Variants in INO80D observed in about 807,000 individuals in gnomAD.
INO80D encodes the protein INO80 complex subunit D.
In INO80D, 21 loss-of-function variants were observed where a neutral mutation model predicts 87.6. That is an observed-to-expected ratio of 0.24 (90% confidence interval 0.17 to 0.35). INO80D has a LOEUF of 0.35. Ranked by LOEUF, INO80D falls within the 10% of genes least tolerant of loss-of-function variation. The pLI, the probability that INO80D is intolerant of heterozygous loss-of-function variation, is 1.00. For synonymous variants in INO80D, 440 were observed against 491.0 expected (o/e 0.90, Z 1.37); for missense variants, 982 against 1,280.7 (o/e 0.77, Z 3.56).
intron 8 of INO80D, among the ~76,000 whole-genome samples, chr2:206,012,609 T>C (rs898408153): frequency 2.6e-5 from 4 of 152,120 alleles, no homozygotes; most frequent in Admixed American, 2.0e-4. Context: ...CTCAGGCCTG[T>C]AAGATCCCAG....
Position 205,998,450 on chromosome 2 carries a change from C to T in INO80D, c.*5918G>A, listed in dbSNP as rs78727283. On this transcript the variant is annotated 3_prime_UTR_variant, in exon 11 of 11. Transcript: ENST00000403263. ...AAGGTGCTTCACTAGTTTGTTTTGTCAAAAAAAAAAAAAAAAAAAAAAGCT... is the reference window on the plus strand; with the variant it reads ...AAGGTGCTTCACTAGTTTGTTTTGTTAAAAAAAAAAAAAAAAAAAAAAGCT... 4.9e-5 allele frequency: 4 copies of T among 82,454 alleles called. No homozygotes were observed. Among genetic ancestry groups the T allele is most frequent in the South Asian group, 9.6e-4 (2 of 2,076 alleles). 5.1% of individuals were successfully genotyped at this position (82,454 alleles called of 1,614,324 possible).
At chr2:206,061,375 T>C (rs1158684700) in intron 3 of INO80D, among the ~76,000 whole-genome samples, 2 of 152,224 alleles carry the variant, frequency 1.3e-5, no homozygotes, top group East Asian at 3.8e-4. Context: ...CTGACAACTG[T>C]AACCATGATA....
intron 5 of INO80D, among the ~76,000 whole-genome samples, chr2:206,045,256 T>C (rs546546642): frequency 1.3e-5 from 2 of 152,242 alleles, no homozygotes; most frequent in African/African-American, 4.8e-5. Context: ...TTTCTCATTA[T>C]AAGCTGGCAT....
chr2:206,008,165 G>A (rs1049404072), intron 9 of INO80D, among the ~76,000 whole-genome samples: 2 of 151,926 alleles, frequency 1.3e-5, no homozygotes, highest in Non-Finnish European at 2.9e-5. Flanking sequence ...TTTGTTTTTA[G>A]TAGAGACGGG....
chr2:205,998,605 A>G lies in INO80D; in HGVS notation c.*5763T>C, dbSNP rs971996991. The G allele has an allele frequency of 1.3e-4, 20 of 152,166 alleles. No homozygotes were observed. Among genetic ancestry groups the G allele is most frequent in the African/African-American group, 4.6e-4 (19 of 41,436 alleles). The allele number at this position is 152,166 out of a possible 1,614,324, so 9.4% of individuals were successfully genotyped here. A position where few individuals can be genotyped will look rare whatever the true frequency, so the allele number is the denominator to read the frequency against. Reference sequence around the variant, plus strand: ...TAATATACCTTTTCTCTTAAAATCTACAATAAGTATTCTGAAAGCTCATTG... The same window carrying G: ...TAATATACCTTTTCTCTTAAAATCTGCAATAAGTATTCTGAAAGCTCATTG... On this transcript the variant is annotated 3_prime_UTR_variant, in exon 11 of 11. Coordinates refer to ENST00000403263, the MANE Select transcript of INO80D (RefSeq NM_017759.5).
chr2:206,078,656 GA>G (rs1470941351), intron 1 of INO80D, among the ~76,000 whole-genome samples: 5 of 150,334 alleles, frequency 3.3e-5, no homozygotes, highest in African/African-American at 1.2e-4. Context: ...AACAAAAAAA[GA>G]AAAAGACAGC....
chr2:206,075,456 A>G (rs1005289821), intron 1 of INO80D, among the ~76,000 whole-genome samples: 1 of 151,016 alleles, frequency 6.6e-6, no homozygotes, highest in African/African-American at 2.4e-5. Flanking sequence ...TTTTTTTTAA[A>G]GACAGAATCT....
At chr2:206,072,132 C>T (rs1689988425) in intron 1 of INO80D, among the ~76,000 whole-genome samples, 1 of 152,112 alleles carries the variant, frequency 6.6e-6, no homozygotes, top group Non-Finnish European at 1.5e-5. Context: ...CGGGGTGTGT[C>T]ACTTTCTTGA....
intron 1 of INO80D, among the ~76,000 whole-genome samples, chr2:206,074,325 A>G (rs2105904938): frequency 6.6e-6 from 1 of 152,346 alleles, no homozygotes; most frequent in African/African-American, 2.4e-5. Flanking sequence ...ATTCAAGAGT[A>G]GGAAATAGCC....
intron 9 of INO80D, chr2:206,007,758 G>A (rs1260199357): frequency 4.9e-6 from 1 of 205,562 alleles, no homozygotes. Context: ...GGAGGCGGAG[G>A]TTGCAGTGAG....
At position 205,996,822 on chromosome 2, in the gene INO80D, A is replaced by C. The variant is rs1219781034; in HGVS notation, c.*7546T>G. ...TTCAACCGGGAGAATTTTTTCTAGC[A>C]AATCCCATTAACCAGCAACTGAAGG... is the stretch of plus-strand genomic sequence containing the variant. On this transcript the variant is annotated 3_prime_UTR_variant, in exon 11 of 11. Transcript: ENST00000403263. 6 of 152,144 alleles carry C rather than the reference A, an allele frequency of 3.9e-5. No homozygotes were observed. The highest frequency in any genetic ancestry group is 1.4e-4 in the African/African-American group (6 of 41,450). 9.4% of individuals were successfully genotyped at this position (152,144 alleles called of 1,614,324 possible).
chr2:206,082,616 C>A (rs1185601413), intron 1 of INO80D, among the ~76,000 whole-genome samples: 1 of 152,158 alleles, frequency 6.6e-6, no homozygotes, highest in African/African-American at 2.4e-5. Context: ...TGCCTCCAAC[C>A]CAGTCTCACC....
At chr2:206,031,724 A>G (rs1283585094) in intron 5 of INO80D, among the ~76,000 whole-genome samples, 1 of 152,236 alleles carries the variant, frequency 6.6e-6, no homozygotes, top group African/African-American at 2.4e-5. Context: ...CAGACAGAGC[A>G]GAGTGCCGAG....
chr2:206,021,796 TAG>T (rs1338123049), intron 6 of INO80D, among the ~76,000 whole-genome samples: 2 of 151,964 alleles, frequency 1.3e-5, no homozygotes, highest in Non-Finnish European at 2.9e-5. Flanking sequence ...ATATTTTTAG[TAG>T]AGACGTGGTT....
chr2:206,026,623 A>T (rs572875161), intron 6 of INO80D, among the ~76,000 whole-genome samples: 1 of 150,184 alleles, frequency 6.7e-6, no homozygotes, highest in East Asian at 1.9e-4. Flanking sequence ...ATATGTATTT[A>T]TATATACACA....
Position 206,005,479 on chromosome 2 carries a change from G to T in INO80D, c.1973C>A (p.Ala658Asp), listed in dbSNP as rs1688000322. 6.2e-7 allele frequency: 1 copy of T among 1,613,686 alleles called. No homozygotes were observed. The highest frequency in any genetic ancestry group is 1.3e-5 in the African/African-American group (1 of 74,896). The change falls in exon 11 of 11, where the codon GCC (alanine) becomes GAC (aspartate). Residue 658 changes from alanine (A) to aspartate (D), a missense_variant. Physicochemically the swap from Ala to Asp is moderately radical, Grantham distance 126 (BLOSUM62 -2). Transcript: ENST00000403263. Reference sequence around the variant, plus strand: ...CTCGAGAGAAGTTACAGCCTGCAAGGCCCGTTCAAGCTCCTCAGCCTCTTC... The same window carrying T: ...CTCGAGAGAAGTTACAGCCTGCAAGTCCCGTTCAAGCTCCTCAGCCTCTTC... The part of the protein sequence containing the change: ...TTEEAEELER[A>D]LQAVTSLECL...
chr2:206,042,435 A>G (rs2105857929), intron 5 of INO80D, among the ~76,000 whole-genome samples: 1 of 152,304 alleles, frequency 6.6e-6, no homozygotes, highest in East Asian at 1.9e-4. Flanking sequence ...TAATCCTAGC[A>G]CTTTGGGAGG....
Position 206,056,682 on chromosome 2 carries a change from T to C in INO80D, c.480A>G (p.Leu160=). 1 of 1,613,672 alleles carries C rather than the reference T, an allele frequency of 6.2e-7. No individual in the cohort carries two copies. The highest frequency in any genetic ancestry group is 8.5e-7 in the Non-Finnish European group (1 of 1,179,758). ...TCTTTCTCACAGTTGCCCCTTTCTT[T>C]AGGTCATCATCTTCCTCATTGAAAG... is the stretch of plus-strand genomic sequence containing the variant. ...PFAFNEEDDD[L]KKGATVRKKL... The change falls in exon 4 of 11, where the codon CTA becomes CTG. Residue 160 remains leucine, a synonymous_variant. Transcript: ENST00000403263.
chr2:206,015,163 T>C (rs1300587684), intron 8 of INO80D, among the ~76,000 whole-genome samples: 1 of 152,142 alleles, frequency 6.6e-6, no homozygotes, highest in East Asian at 1.9e-4. Flanking sequence ...TTTGGAAAAT[T>C]TGCAGCCTGA....
Sources: gnomAD v4.1 joint callset for allele counts (sites outside exome capture counted in the v4.1 genomes callset) on GRCh38, gnomAD v4.1.1 for gene constraint, MANE v1.5 for transcripts, NCBI Gene and HGNC (gene_info 2026-07-23, HGNC 2026-07-21) for gene names.